Variants in SETD1A observed in about 807,000 individuals in gnomAD.
The protein encoded by SETD1A is SET domain containing 1A, histone lysine methyltransferase.
In SETD1A, 29 loss-of-function variants were observed where a neutral mutation model predicts 149.9. The ratio of observed to expected loss-of-function variants is 0.19; its 90% CI spans 0.14 to 0.26. The LOEUF (loss-of-function observed/expected upper bound fraction) is 0.26. Ranked by LOEUF, SETD1A falls within the 10% of genes least tolerant of loss-of-function variation. The pLI is 1.00. For missense variants in SETD1A, 2,109 were observed against 2,353.1 expected (o/e 0.90, Z 2.15); for synonymous variants, 1,141 against 968.5 (o/e 1.18, Z -3.31).
intron 5 of SETD1A, 31 bp from the exon 6 acceptor site, chr16:30,964,063 C>T (rs761206687): frequency 1.3e-6 from 2 of 1,569,884 alleles, no homozygotes; most frequent in Non-Finnish European, 1.7e-6. Context: ...TGAGCCCATT[C>T]CTCTCTCCTT....
At chr16:30,967,667 T>G in intron 10 of SETD1A, 79 bp downstream of exon 10, 1 of 1,281,966 alleles carries the variant, frequency 7.8e-7, no homozygotes. Context: ...GATGAAGGGG[T>G]CAGGTCGTCC....
chr16:30,983,745 G>T lies in SETD1A; in HGVS notation c.4923G>T (p.Leu1641=). 6.2e-7 allele frequency: 1 copy of T among 1,614,154 alleles called. No individual in the cohort carries two copies. Among genetic ancestry groups the T allele is most frequent in the Non-Finnish European group, 8.5e-7 (1 of 1,180,016 alleles). The part of the protein sequence containing the change: ...TIIDATKCGN[L]ARFINHCCTP... ...TCGATGCCACCAAGTGTGGCAACCT[G>T]GCCAGATTCATCAACCACTGCTGCA... The change falls in exon 18 of 19, where the codon CTG becomes CTT. Residue 1641 remains leucine, a synonymous_variant. Coordinates refer to ENST00000262519, the MANE Select transcript of SETD1A (RefSeq NM_014712.3). The surrounding 1 kb of genome is among the most constrained non-coding windows in gnomAD (Gnocchi z 6.8).
Position 30,979,136 on chromosome 16 carries a change from C to T in SETD1A, c.3359-9C>T, listed in dbSNP as rs1321433218. The T allele has an allele frequency of 1.3e-6, 2 of 1,542,332 alleles. No homozygotes were observed. Among genetic ancestry groups the T allele is most frequent in the East Asian group, 4.7e-5 (2 of 42,214 alleles). ...GACCTCCTTTCCTTCCTATGTGCTT[C>T]CTTCCCAGGCCCCACGGAGGAGTCA... On this transcript the variant is annotated splice_polypyrimidine_tract_variant and intron_variant, in intron 13 of 18. Transcript: ENST00000262519.
Position 30,984,299 on chromosome 16 carries a change from G to C in SETD1A, c.*276G>C. 4.2e-6 allele frequency: 2 copies of C among 471,484 alleles called. No homozygotes were observed. The highest frequency in any genetic ancestry group is 3.7e-5 in the Admixed American group (1 of 27,136). The allele number at this position is 471,484 out of a possible 1,614,324, so 29.2% of individuals were successfully genotyped here. A position where few individuals can be genotyped will look rare whatever the true frequency, so the allele number is the denominator to read the frequency against. Reference sequence around the variant, plus strand: ...CAGCAGCTGTTTCCTGTGGAAACCTGGGGTGCCGGCCTGTACAGATTCTGT... The same window carrying C: ...CAGCAGCTGTTTCCTGTGGAAACCTCGGGTGCCGGCCTGTACAGATTCTGT... On this transcript the variant is annotated 3_prime_UTR_variant, in exon 19 of 19. Transcript: ENST00000262519.
At chr16:30,958,456 C>G in intron 1 of SETD1A, 1 of 412,998 alleles carries the variant, frequency 2.4e-6, no homozygotes, top group East Asian at 4.4e-5. Context: ...AAGTGGGGCG[C>G]GCGCTAGGGA....
At chr16:30,978,419 C>T (rs1056763911) in intron 13 of SETD1A, among the ~76,000 whole-genome samples, 4 of 152,086 alleles carry the variant, frequency 2.6e-5, no homozygotes, top group Admixed American at 6.5e-5. Context: ...CCAGGGATGG[C>T]GGCCAAGGGA....
intron 8 of SETD1A, among the ~76,000 whole-genome samples, chr16:30,966,641 C>T (rs1808315447): frequency 1.3e-5 from 2 of 152,214 alleles, no homozygotes; most frequent in African/African-American, 4.8e-5. Flanking sequence ...GCCCTTAGCT[C>T]TCTTCAAGCT....
chr16:30,972,190 G>A (rs1436658511), intron 13 of SETD1A, among the ~76,000 whole-genome samples: 1 of 152,186 alleles, frequency 6.6e-6, no homozygotes, highest in Non-Finnish European at 1.5e-5. Context: ...TTAGCCTGCT[G>A]AGGGAACCGC....
chr16:30,959,007 ATG>A, intron 2 of SETD1A, 82 bp from the exon 3 acceptor site: 2 of 1,436,688 alleles, frequency 1.4e-6, no homozygotes, highest in Non-Finnish European at 2.0e-6. Context: ...GCTCTTCTGC[ATG>A]TGTGTGTCCA....
chr16:30,959,143 G>T lies in SETD1A; in HGVS notation c.203G>T (p.Arg68Met). ...CTCCAAGACCCCCGTTGCCATGTCAGGTCCAAAAACAGAGACTTTTCCCTC... is the reference window on the plus strand; with the variant it reads ...CTCCAAGACCCCCGTTGCCATGTCATGTCCAAAAACAGAGACTTTTCCCTC... ...EDLQDPRCHV[R>M]SKNRDFSLPV... Residue 68 changes from arginine to methionine, a missense_variant, in exon 3 of 19, where the codon AGG becomes ATG. Transcript: ENST00000262519. 1 of 1,613,932 alleles carries T rather than the reference G, an allele frequency of 6.2e-7. No individual in the cohort carries two copies. The highest frequency in any genetic ancestry group is 8.5e-7 in the Non-Finnish European group (1 of 1,179,832).
At chr16:30,967,904 G>A (rs1055827880) in intron 10 of SETD1A, among the ~76,000 whole-genome samples, 1 of 152,134 alleles carries the variant, frequency 6.6e-6, no homozygotes, top group Admixed American at 6.6e-5. Context: ...TGATGCTAAT[G>A]CCCTCCTACC....
chr16:30,959,067 T>C (rs372206259), intron 2 of SETD1A, 24 bp from the exon 3 acceptor site: 40 of 1,573,278 alleles, frequency 2.5e-5, no homozygotes, highest in Non-Finnish European at 3.3e-5. Flanking sequence ...TGAGCTCTCT[T>C]TCTGCTGCTG....
intron 3 of SETD1A, among the ~76,000 whole-genome samples, chr16:30,960,225 G>A (rs557436308): frequency 6.6e-6 from 1 of 152,230 alleles, no homozygotes; most frequent in Admixed American, 6.5e-5. Context: ...TCACTACGCT[G>A]CTGTTTTCCT....
At position 30,971,623 on chromosome 16, in the gene SETD1A, A is replaced by T. The variant is rs781315302; in HGVS notation, c.3262A>T (p.Thr1088Ser). The change falls in exon 13 of 19, where the codon ACG (threonine) becomes TCG (serine). Residue 1088 changes from threonine (T) to serine (S), a missense_variant. Thr to Ser is a moderately conservative substitution (Grantham distance 58). Transcript: ENST00000262519. ...SPPPREVPVP[T>S]PAPVEVPVPE... ...GCCCCCCAGAGAAGTCCCAGTGCCC[A>T]CGCCAGCACCTGTGGAGGTGCCAGT... 6.2e-7 allele frequency: 1 copy of T among 1,613,444 alleles called. No individual in the cohort carries two copies. The highest frequency in any genetic ancestry group is 8.5e-7 in the Non-Finnish European group (1 of 1,179,788).
At position 30,979,599 on chromosome 16, in the gene SETD1A, G is replaced by C. The variant is rs372313005; in HGVS notation, c.3813G>C (p.Leu1271=). The change falls in exon 14 of 19, where the codon CTG becomes CTC. Residue 1271 remains leucine (L), a synonymous_variant. Transcript: ENST00000262519. ...CTGCCCGGCGCGGGCTGCCTGCCCT[G>C]CCTGCTGTTGAAGACTCAGAGGCCA... ...LTPARRGLPA[L]PAVEDSEATE... The C allele has an allele frequency of 1.9e-5, 31 of 1,610,892 alleles. No individual in the cohort carries two copies. The highest frequency in any genetic ancestry group is 2.3e-5 in the Non-Finnish European group (27 of 1,179,718).
At chr16:30,967,666 G>A (rs2056167007) in intron 10 of SETD1A, 78 bp downstream of exon 10, 4 of 1,285,190 alleles carry the variant, frequency 3.1e-6, no homozygotes, top group African/African-American at 2.9e-5. Context: ...GGATGAAGGG[G>A]TCAGGTCGTC....
At position 30,980,330 on chromosome 16, in the gene SETD1A, C is replaced by T; in HGVS notation, c.4408+136C>T. 3 of 1,438,400 alleles carry T rather than the reference C, an allele frequency of 2.1e-6. No homozygotes were observed. Among genetic ancestry groups the T allele is most frequent in the South Asian group, 1.4e-5 (1 of 71,578 alleles). The allele number at this position is 1,438,400 out of a possible 1,614,324, so 89.1% of individuals were successfully genotyped here. The stretch of plus-strand genomic sequence containing the variant: ...TTTCTCTCCTCCTGGTGCCTCTTTT[C>T]TGCCTTCCAAAGCATTTCTGGCAGG... On this transcript the variant is annotated intron_variant, in intron 14 of 18. Transcript: ENST00000262519. The surrounding 1 kb of genome is among the most constrained non-coding windows in gnomAD (Gnocchi z 7.7).
In SETD1A at chr16:30,983,930, C is replaced by G; in HGVS notation, c.5031C>G (p.Asp1677Glu). The change falls in exon 19 of 19, where the codon GAC becomes GAG. Residue 1677 changes from aspartate to glutamate, a missense_variant. Asp to Glu is a conservative substitution (Grantham distance 45). Transcript: ENST00000262519. The surrounding 1 kb of genome is among the most constrained non-coding windows in gnomAD (Gnocchi z 6.8). ...ACTCCAAGCAGCCCATTGGCGTGGA[C>G]GAGGAGATCACCTACGACTACAAGT... ...VIYSKQPIGV[D>E]EEITYDYKFP... is the part of the protein sequence containing the mutation. 2.5e-6 allele frequency: 4 copies of G among 1,613,918 alleles called. No homozygotes were observed. The highest frequency in any genetic ancestry group is 3.4e-6 in the Non-Finnish European group (4 of 1,179,882).
intron 10 of SETD1A, among the ~76,000 whole-genome samples, chr16:30,968,885 A>T (rs1044505983): frequency 1.3e-5 from 2 of 152,142 alleles, no homozygotes; most frequent in Non-Finnish European, 2.9e-5. Flanking sequence ...CAGGAGGATC[A>T]CTTGAACCCA....
Sources: allele counts gnomAD v4.1 joint callset (sites outside exome capture counted in the v4.1 genomes callset), GRCh38; gene constraint gnomAD v4.1.1; non-coding constraint Gnocchi (gnomAD v3.1); transcripts MANE v1.5; gene names NCBI Gene and HGNC (gene_info 2026-07-23, HGNC 2026-07-21).